AP3D1: variants seen among roughly 807,000 people sequenced by gnomAD.
AP3D1 encodes adaptor related protein complex 3 subunit delta 1.
Under a neutral mutation model 147.6 loss-of-function variants are expected in AP3D1, and 51 were observed. That is an observed-to-expected ratio of 0.35 (90% CI 0.28 to 0.44). The LOEUF is 0.44. Ranked by LOEUF, AP3D1 falls within the 20% of genes least tolerant of loss-of-function variation. The probability of loss-of-function intolerance (pLI) is 1.00; values close to 1 mark genes in which losing one functional copy is unlikely to be tolerated. For synonymous variants in AP3D1, 760 were observed against 663.0 expected (o/e 1.15, Z -2.25); for missense variants, 1,421 against 1,624.2 (o/e 0.87, Z 2.15).
rs1290962172 is a variant in AP3D1, at chr19:2,131,516, C to CCCAGGGAGGAAAG, written c.462+954_462+955insCTTTCCTCCCTGG. 6.7e-4 allele frequency among the ~76,000 whole-genome samples: 79 copies of CCCAGGGAGGAAAG among 117,500 alleles called. 1 individual carries two copies. The highest frequency in any genetic ancestry group is 2.7e-3 in the African/African-American group (72 of 26,232). 77.1% of individuals were successfully genotyped at this position (117,500 alleles called of 152,430 possible). ...ACAGGCAGCCACGAGGGGACAGGGC[C>CCCAGGGAGGAAAG]CATCGGCCACGATCTAGGCACCCGG... On this transcript the variant is annotated intron_variant, in intron 5 of 31. Coordinates refer to ENST00000643116, the MANE Select transcript of AP3D1 (RefSeq NM_001261826.3).
chr19:2,156,765 C>T (rs1214787609), intron 1 of AP3D1, among the ~76,000 whole-genome samples: 4 of 152,128 alleles, frequency 2.6e-5, no homozygotes, highest in African/African-American at 9.7e-5. Flanking sequence ...AGGAGAATCG[C>T]TTGAACCTGG....
chr19:2,124,132 C>A (rs1232412240), intron 9 of AP3D1, among the ~76,000 whole-genome samples: 1 of 152,236 alleles, frequency 6.6e-6, no homozygotes, highest in African/African-American at 2.4e-5. Context: ...GCTGTTCCTG[C>A]AAACACTGGT....
At chr19:2,121,336 G>A (rs2018606205) in intron 12 of AP3D1, 25 bp from the exon 13 acceptor site, 1 of 1,613,058 alleles carries the variant, frequency 6.2e-7, no homozygotes, top group Non-Finnish European at 8.5e-7. Context: ...ACAGACAGTG[G>A]TGAGAGCGGA....
In AP3D1 at chr19:2,109,947, A is replaced by T. The variant is rs760252452; in HGVS notation, c.3276T>A (p.Gly1092=). The T allele has an allele frequency of 5.6e-6, 9 of 1,613,324 alleles. No homozygotes were observed. The highest frequency in any genetic ancestry group is 7.6e-6 in the Non-Finnish European group (9 of 1,179,876). The change falls in exon 29 of 32, where the codon GGT becomes GGA. Residue 1092 remains glycine, a synonymous_variant. Transcript: ENST00000643116. ...TLSFIAKNDE[G]ATHEKLDFRL... ...TGAAGTCCAGCTTCTCGTGGGTCGCACCCTCGTCATTCTGCGGTGGAGTGA... is the reference window on the plus strand; with the variant it reads ...TGAAGTCCAGCTTCTCGTGGGTCGCTCCCTCGTCATTCTGCGGTGGAGTGA...
intron 1 of AP3D1, among the ~76,000 whole-genome samples, chr19:2,140,165 GAAAAGAAC>G (rs1395505719): frequency 6.6e-6 from 1 of 152,062 alleles, no homozygotes; most frequent in Non-Finnish European, 1.5e-5. Flanking sequence ...GATTTAAAAG[GAAAAGAAC>G]AAAAAGACCA....
intron 1 of AP3D1, among the ~76,000 whole-genome samples, chr19:2,150,605 T>G (rs1270778749): frequency 1.3e-5 from 2 of 152,242 alleles, no homozygotes; most frequent in East Asian, 3.9e-4. Context: ...CCCACCTTCC[T>G]GGGAACGGGG....
At chr19:2,157,791 A>G (rs2019660712) in intron 1 of AP3D1, among the ~76,000 whole-genome samples, 1 of 152,128 alleles carries the variant, frequency 6.6e-6, no homozygotes, top group African/African-American at 2.4e-5. Context: ...GGCAAGGAGC[A>G]GGAATGGAGA....
intron 1 of AP3D1, among the ~76,000 whole-genome samples, chr19:2,146,985 A>G (rs1442831204): frequency 6.6e-6 from 1 of 151,930 alleles, no homozygotes; most frequent in Non-Finnish European, 1.5e-5. Flanking sequence ...CAGCCCCAAC[A>G]TCCACAGTGG....
At chr19:2,132,954 C>T (rs570300029) in intron 4 of AP3D1, among the ~76,000 whole-genome samples, 5 of 152,228 alleles carry the variant, frequency 3.3e-5, no homozygotes, top group Admixed American at 6.5e-5. Context: ...AAGCACTCTG[C>T]GTGGGAATCA....
chr19:2,144,295 CG>C (rs1268618232), intron 1 of AP3D1, among the ~76,000 whole-genome samples: 2 of 152,146 alleles, frequency 1.3e-5, no homozygotes, highest in Non-Finnish European at 2.9e-5. Context: ...TTCAACAGCC[CG>C]GGACACCGTC....
At chr19:2,117,642 G>A (rs894324116) in intron 15 of AP3D1, among the ~76,000 whole-genome samples, 4 of 152,224 alleles carry the variant, frequency 2.6e-5, no homozygotes, top group Admixed American at 2.0e-4. Context: ...TCAGTGCCCC[G>A]ACACCAGAAG....
chr19:2,116,000 G>C (rs2018436654), intron 18 of AP3D1, among the ~76,000 whole-genome samples: 1 of 152,280 alleles, frequency 6.6e-6, no homozygotes, highest in South Asian at 2.1e-4. Context: ...GCCAGGCGCA[G>C]GGAACAGGGC....
chr19:2,137,388 A>C (rs1348558684), intron 3 of AP3D1, among the ~76,000 whole-genome samples: 1 of 151,364 alleles, frequency 6.6e-6, no homozygotes, highest in Non-Finnish European at 1.5e-5. Flanking sequence ...ATCTCAGCTC[A>C]CTGCAACTTC....
intron 1 of AP3D1, among the ~76,000 whole-genome samples, chr19:2,144,871 C>G (rs1363141978): frequency 3.3e-5 from 5 of 152,110 alleles, no homozygotes; most frequent in Non-Finnish European, 7.4e-5. Flanking sequence ...CCACTGCACT[C>G]CAGCCTGGGC....
In AP3D1 at chr19:2,109,139, C is replaced by G; in HGVS notation, c.3419G>C (p.Arg1140Pro). 6.2e-7 allele frequency: 1 copy of G among 1,608,864 alleles called. No individual in the cohort carries two copies. Among genetic ancestry groups the G allele is most frequent in the South Asian group, 1.1e-5 (1 of 90,150 alleles). The change falls in exon 30 of 32, where the codon CGG (arginine) becomes CCG (proline). Residue 1140 changes from arginine (R) to proline (P), a missense_variant. Transcript: ENST00000643116. ...CGCCAGAAGATTCTGGAAGGACATCCGAATGCCATCGACTTTGATTGAGCT... is the reference window on the plus strand; with the variant it reads ...CGCCAGAAGATTCTGGAAGGACATCGGAATGCCATCGACTTTGATTGAGCT... The part of the protein sequence containing the change: ...SMSSIKVDGI[R>P]MSFQNLLAKI...
At chr19:2,153,491 C>T (rs1243806507), upstream of AP3D1, among the ~76,000 whole-genome samples, 1 of 152,044 alleles carries the variant, frequency 6.6e-6, no homozygotes, top group African/African-American at 2.4e-5. Flanking sequence ...GCGTGGCCAA[C>T]ATGGTGAAAT....
intron 1 of AP3D1, among the ~76,000 whole-genome samples, chr19:2,159,938 G>A (rs955504992): frequency 6.6e-6 from 1 of 151,984 alleles, no homozygotes; most frequent in African/African-American, 2.4e-5. Flanking sequence ...GAATGGTCTC[G>A]ATCTCCTGAC....
At position 2,116,286 on chromosome 19, in the gene AP3D1, A is replaced by T; in HGVS notation, c.2002-8T>A. On this transcript the variant is annotated splice_region_variant and splice_polypyrimidine_tract_variant and intron_variant, in intron 17 of 31. Transcript: ENST00000643116. ...CTTCCGGGCCTCTCGGCGCTGTGGG[A>T]CACAGCTTGGCATGAGCCCGAGAGA... 1 of 1,613,584 alleles carries T rather than the reference A, an allele frequency of 6.2e-7. No homozygotes were observed. Among genetic ancestry groups the T allele is most frequent in the Non-Finnish European group, 8.5e-7 (1 of 1,179,834 alleles).
intron 1 of AP3D1, among the ~76,000 whole-genome samples, chr19:2,147,950 G>A (rs192252603): frequency 4.0e-5 from 6 of 151,660 alleles, no homozygotes; most frequent in Admixed American, 6.6e-5. Context: ...TTGGGAGGCC[G>A]AGGCGGGAGG....
Sources: allele counts gnomAD v4.1 joint callset (sites outside exome capture counted in the v4.1 genomes callset), GRCh38; gene constraint gnomAD v4.1.1; transcripts MANE v1.5; gene names NCBI Gene and HGNC (gene_info 2026-07-23, HGNC 2026-07-21).